The following SMAD9 variants were observed in gnomAD, a reference collection of about 807,000 sequenced individuals.
The protein encoded by SMAD9 is MAD homolog 9.
In SMAD9, 36 loss-of-function variants were observed where a neutral mutation model predicts 46.1. The ratio of observed to expected loss-of-function variants is 0.78; its 90% CI spans 0.60 to 1.03. SMAD9 has a LOEUF of 1.03. SMAD9 is among the 50% of genes least tolerant of loss of function. SMAD9 has a pLI of 0.00. For synonymous variants in SMAD9, 245 were observed against 237.1 expected (o/e 1.03, Z -0.31); for missense variants, 572 against 599.8 (o/e 0.95, Z 0.48).
chr13:36,881,593 G>C (rs1018945067), intron 1 of SMAD9, among the ~76,000 whole-genome samples: 1 of 152,140 alleles, frequency 6.6e-6, no homozygotes, highest in African/African-American at 2.4e-5. Flanking sequence ...TCCTCATCTG[G>C]GCTTTATCTG....
At chr13:36,904,653 G>C (rs1395248156) in intron 1 of SMAD9, among the ~76,000 whole-genome samples, 1 of 152,112 alleles carries the variant, frequency 6.6e-6, no homozygotes, top group East Asian at 1.9e-4. Context: ...GACATCCCAG[G>C]ACTCTGTGAC....
intron 1 of SMAD9, among the ~76,000 whole-genome samples, chr13:36,914,695 G>A (rs2138713202): frequency 6.6e-6 from 1 of 152,292 alleles, no homozygotes; most frequent in Admixed American, 6.5e-5. Context: ...GCCACAAAGT[G>A]GGAAACTGAT....
chr13:36,905,918 G>A (rs1010508798), intron 1 of SMAD9, among the ~76,000 whole-genome samples: 3 of 150,696 alleles, frequency 2.0e-5, no homozygotes, highest in Non-Finnish European at 2.9e-5. Context: ...CAATCCTCCC[G>A]CTTCAGCCTC....
At position 36,846,763 on chromosome 13, in the gene SMAD9, A is replaced by G. The variant is rs913390996; in HGVS notation, c.*1913T>C. The G allele has an allele frequency of 1.3e-5, 2 of 152,234 alleles. No homozygotes were observed. The highest frequency in any genetic ancestry group is 4.8e-5 in the African/African-American group (2 of 41,452). The allele number at this position is 152,234 out of a possible 1,614,324, so 9.4% of individuals were successfully genotyped here. ...CCTGACTTTGCAGAAGAGTAAGGAA[A>G]TAATTTCAAAACAGAGATAAGAAAT... On this transcript the variant is annotated 3_prime_UTR_variant, in exon 7 of 7. Coordinates refer to ENST00000379826, the MANE Select transcript of SMAD9 (RefSeq NM_001127217.3).
At chr13:36,879,202 G>T in intron 2 of SMAD9, 76 bp downstream of exon 2, 1 of 1,249,402 alleles carries the variant, frequency 8.0e-7, no homozygotes, top group Non-Finnish European at 1.2e-6. Context: ...GTCTGCTGGT[G>T]CCCCATCATT....
intron 5 of SMAD9, among the ~76,000 whole-genome samples, chr13:36,864,946 C>T (rs2058217442): frequency 1.3e-5 from 2 of 152,210 alleles, no homozygotes; most frequent in African/African-American, 4.8e-5. Flanking sequence ...AGACCACACA[C>T]TCAGCTGGGA....
chr13:36,912,390 G>A (rs1384223253), intron 1 of SMAD9, among the ~76,000 whole-genome samples: 1 of 152,130 alleles, frequency 6.6e-6, no homozygotes. Context: ...CCTAGCAGCT[G>A]AATATTTCAA....
At chr13:36,887,041 T>TTG (rs1491373147) in intron 1 of SMAD9, among the ~76,000 whole-genome samples, 15 of 36,532 alleles carry the variant, frequency 4.1e-4, no homozygotes, top group African/African-American at 2.0e-3. Context: ...TTTGAATGGG[T>TTG]TTTTTTTTTT....
chr13:36,854,197 A>G (rs1486209563), intron 5 of SMAD9, among the ~76,000 whole-genome samples: 4 of 152,020 alleles, frequency 2.6e-5, no homozygotes, highest in Non-Finnish European at 4.4e-5. Flanking sequence ...ATAAAAGTGG[A>G]TTGCAACCCA....
intron 1 of SMAD9, among the ~76,000 whole-genome samples, chr13:36,919,663 C>A (rs1404976411): frequency 1.3e-5 from 2 of 151,690 alleles, no homozygotes. Context: ...GGTCCCTGCC[C>A]ACGCCCCGGG....
At chr13:36,868,226 G>C (rs1349361737) in intron 3 of SMAD9, among the ~76,000 whole-genome samples, 1 of 152,178 alleles carries the variant, frequency 6.6e-6, no homozygotes, top group Non-Finnish European at 1.5e-5. Flanking sequence ...CCCATCCTTA[G>C]CAATTCCGAT....
At chr13:36,900,428 A>G (rs1368786442) in intron 1 of SMAD9, among the ~76,000 whole-genome samples, 3 of 151,448 alleles carry the variant, frequency 2.0e-5, no homozygotes, top group Non-Finnish European at 4.4e-5. Flanking sequence ...TTACAGGCGC[A>G]TGCCACCACA....
intron 1 of SMAD9, among the ~76,000 whole-genome samples, chr13:36,913,324 A>C (rs1166323164): frequency 6.6e-6 from 1 of 152,146 alleles, no homozygotes; most frequent in African/African-American, 2.4e-5. Context: ...TATTTTTGTC[A>C]CTTCATTTCG....
intron 1 of SMAD9, among the ~76,000 whole-genome samples, chr13:36,907,190 A>T (rs536080996): frequency 6.6e-6 from 1 of 152,348 alleles, no homozygotes; most frequent in African/African-American, 2.4e-5. Context: ...TAGAATAGGG[A>T]AATTCATAGA....
chr13:36,853,668 G>C lies in SMAD9; in HGVS notation c.1011C>G (p.His337Gln), dbSNP rs149015682. The C allele has an allele frequency of 6.0e-4, 961 of 1,613,952 alleles. 2 individuals are homozygous for C. The highest frequency in any genetic ancestry group is 1.0e-3 in the South Asian group (95 of 91,086). Residue 337 changes from histidine to glutamine, a missense_variant, in exon 6 of 7, where the codon CAC (histidine) becomes CAG (glutamine). Transcript: ENST00000379826. ...ACACCTCTCCCCCGACGTAGTACAAGTGCACACCTGCAGACACAAAAACAC... is the reference window on the plus strand; with the variant it reads ...ACACCTCTCCCCCGACGTAGTACAACTGCACACCTGCAGACACAAAAACAC... The part of the protein sequence containing the change: ...NTRRHIGKGV[H>Q]LYYVGGEVYA...
At chr13:36,883,165 T>C (rs1320812394) in intron 1 of SMAD9, among the ~76,000 whole-genome samples, 1 of 152,130 alleles carries the variant, frequency 6.6e-6, no homozygotes, top group Non-Finnish European at 1.5e-5. Context: ...GTCAGAGAAC[T>C]GAAATGCCCA....
rs1057212180 is a variant in SMAD9, at chr13:36,847,770, T to C, written c.*906A>G. The C allele has an allele frequency of 1.3e-5, 2 of 152,246 alleles. No individual in the cohort carries two copies. Among genetic ancestry groups the C allele is most frequent in the Non-Finnish European group, 2.9e-5 (2 of 68,048 alleles). 9.4% of individuals were successfully genotyped at this position (152,246 alleles called of 1,614,324 possible). On this transcript the variant is annotated 3_prime_UTR_variant, in exon 7 of 7. Coordinates refer to ENST00000379826, the MANE Select transcript of SMAD9 (RefSeq NM_001127217.3). Reference sequence around the variant, plus strand: ...ACGTGTGATGCTTTTCTCCAACCTTTGGTTTCACCTGCTTCTTGACACAGG... The same window carrying C: ...ACGTGTGATGCTTTTCTCCAACCTTCGGTTTCACCTGCTTCTTGACACAGG...
At chr13:36,880,174 A>AGTTT (rs1282653162) in intron 1 of SMAD9, among the ~76,000 whole-genome samples, 1 of 152,156 alleles carries the variant, frequency 6.6e-6, no homozygotes, top group Non-Finnish European at 1.5e-5. Flanking sequence ...CTGCCCTCAA[A>AGTTT]GTCTTTGGAG....
rs1030109484 is a variant in SMAD9, at chr13:36,848,616, A to C, written c.*60T>G. The C allele has an allele frequency of 2.1e-5, 32 of 1,512,476 alleles. No individual in the cohort carries two copies. The highest frequency in any genetic ancestry group is 9.0e-5 in the East Asian group (4 of 44,420). 93.7% of individuals were successfully genotyped at this position (1,512,476 alleles called of 1,614,324 possible). On this transcript the variant is annotated 3_prime_UTR_variant, in exon 7 of 7. Coordinates refer to ENST00000379826, the MANE Select transcript of SMAD9 (RefSeq NM_001127217.3). ...AAACTTCAGTTGCAAATCTGAAATG[A>C]TACAAGCCACTCCCTGCAATAGCCT... is the stretch of plus-strand genomic sequence containing the variant.
Sources: gnomAD v4.1 joint callset for allele counts (sites outside exome capture counted in the v4.1 genomes callset) on GRCh38, gnomAD v4.1.1 for gene constraint, MANE v1.5 for transcripts, NCBI Gene and HGNC (gene_info 2026-07-23, HGNC 2026-07-21) for gene names.